Variants in OR5D3 observed in about 807,000 individuals in gnomAD.
OR5D3 encodes the protein olfactory receptor 5D3.
the OR5D3 span, chr11:55,728,785 A>AT: frequency 6.6e-6 from 1 of 152,070 alleles, no homozygotes; most frequent in Non-Finnish European, 1.5e-5. Flanking sequence ...CACTTACAGA[A>AT]TACAGCAAAA....
the OR5D3 span, chr11:55,726,706 A>T: frequency 6.0e-5 from 24 of 398,942 alleles, no homozygotes; most frequent in East Asian, 8.6e-4. Context: ...TTTTCTGTTG[A>T]CTTTATCTTT....
chr11:55,728,509 C>T, the OR5D3 span: 3 of 152,026 alleles, frequency 2.0e-5, no homozygotes, highest in Non-Finnish European at 4.4e-5. Flanking sequence ...ATTTGATTGC[C>T]TTAACCAAAT....
the OR5D3 span, among the ~76,000 whole-genome samples, chr11:55,725,702 A>C: frequency 6.6e-6 from 1 of 152,032 alleles, no homozygotes; most frequent in African/African-American, 2.4e-5. Context: ...AAAGTATTGG[A>C]TTATAAGGAA....
chr11:55,727,505 T>A, the OR5D3 span: 3 of 156,354 alleles, frequency 1.9e-5, no homozygotes, highest in African/African-American at 7.2e-5. Flanking sequence ...CCTGATAACA[T>A]AAAATTACTA....
At chr11:55,726,021 A>C in the OR5D3 span, among the ~76,000 whole-genome samples, 1 of 151,992 alleles carries the variant, frequency 6.6e-6, no homozygotes, top group Non-Finnish European at 1.5e-5. Flanking sequence ...CCATTCACAA[A>C]ATAATCCTAT....
the OR5D3 span, among the ~76,000 whole-genome samples, chr11:55,724,778 G>C: frequency 1.0e-3 from 158 of 152,148 alleles, 1 homozygote; most frequent in Non-Finnish European, 1.9e-3. Flanking sequence ...AAATTGAGGA[G>C]AGTGACTGGG....
At chr11:55,729,037 G>A in the OR5D3 span, 1 of 151,958 alleles carries the variant, frequency 6.6e-6, no homozygotes, top group African/African-American at 2.4e-5. Context: ...TTTGGAAGAT[G>A]TAAGCTGTAA....
At chr11:55,726,362 G>T in the OR5D3 span, 1 of 469,156 alleles carries the variant, frequency 2.1e-6, no homozygotes, top group Non-Finnish European at 3.9e-6. Context: ...ATGGTCATCA[G>T]GATCAACCCC....
the OR5D3 span, chr11:55,726,852 C>G: frequency 1.3e-5 from 5 of 398,872 alleles, no homozygotes; most frequent in Non-Finnish European, 1.8e-5. Flanking sequence ...GCCTGGTGAT[C>G]ATTCTCACTT....
the OR5D3 span, chr11:55,726,197 T>A: frequency 1.7e-3 from 659 of 398,820 alleles, 4 homozygotes; most frequent in Non-Finnish European, 2.3e-3. Context: ...GGATCAACTT[T>A]CTTATTTTTT....
the OR5D3 span, chr11:55,724,119 A>T: frequency 2.5e-6 from 1 of 395,726 alleles, no homozygotes; most frequent in Non-Finnish European, 4.5e-6. Context: ...CGGTAATCTT[A>T]GTACCAGACA....
At chr11:55,726,646 G>T in the OR5D3 span, 1 of 400,472 alleles carries the variant, frequency 2.5e-6, no homozygotes, top group Non-Finnish European at 4.4e-6. Flanking sequence ...CTCCTTGTTA[G>T]TGGCTGCATC....
the OR5D3 span, chr11:55,726,501 A>T: frequency 6.8e-6 from 3 of 439,500 alleles, no homozygotes; most frequent in Middle Eastern, 3.5e-4. Context: ...CCTTCACAGG[A>T]TGCATCATGC....
At chr11:55,723,939 G>A in the OR5D3 span, 1 of 396,698 alleles carries the variant, frequency 2.5e-6, no homozygotes, top group East Asian at 3.6e-5. Flanking sequence ...CACTCCTACT[G>A]TTGTTTTCAG....
the OR5D3 span, chr11:55,729,432 G>A: frequency 6.6e-6 from 1 of 151,998 alleles, no homozygotes; most frequent in Admixed American, 6.5e-5. Flanking sequence ...CAATACTAAA[G>A]CAAGTTATAT....
At chr11:55,724,864 G>A in the OR5D3 span, among the ~76,000 whole-genome samples, 2 of 151,986 alleles carry the variant, frequency 1.3e-5, no homozygotes, top group Non-Finnish European at 2.9e-5. Context: ...CTGAGTAATT[G>A]GTCCTTTTGG....
chr11:55,728,159 G>A, the OR5D3 span: 6 of 151,956 alleles, frequency 3.9e-5, no homozygotes, highest in African/African-American at 1.5e-4. Flanking sequence ...TTGGCTGATA[G>A]TCTTTGTTGA....
chr11:55,725,295 A>G, the OR5D3 span, among the ~76,000 whole-genome samples: 1 of 152,052 alleles, frequency 6.6e-6, no homozygotes, highest in Non-Finnish European at 1.5e-5. Flanking sequence ...GCCTTGTGGC[A>G]TCAAGGCATA....
At chr11:55,728,579 TTAAGGCTTACAAGCACAGAA>T in the OR5D3 span, 1 of 152,074 alleles carries the variant, frequency 6.6e-6, no homozygotes, top group African/African-American at 2.4e-5. Flanking sequence ...CCAGTCATGA[TTAAGGCTTACAAGCACAGAA>T]TATGAAGTCA....
Sources: gnomAD v4.1 joint callset for allele counts (sites outside exome capture counted in the v4.1 genomes callset) on GRCh38, gnomAD v4.1.1 for gene constraint, MANE v1.5 for transcripts, NCBI Gene and HGNC (gene_info 2026-07-23, HGNC 2026-07-21) for gene names.